The following GRM4 variants were observed in gnomAD, a reference collection of about 807,000 sequenced individuals.
GRM4 encodes metabotropic glutamate receptor 4.
GRM4 carries 28 observed loss-of-function variants against 81.7 expected under a neutral mutation model. The ratio of observed to expected loss-of-function variants is 0.34; its 90% confidence interval spans 0.25 to 0.47. The LOEUF is 0.47. Ranked by LOEUF, GRM4 falls within the 20% of genes least tolerant of loss-of-function variation. GRM4 has a pLI of 1.00. For missense variants in GRM4, 948 were observed against 1,290.0 expected (o/e 0.73, Z 4.06); for synonymous variants, 488 against 528.8 (o/e 0.92, Z 1.06).
At chr6:34,099,185 G>A (rs868497383) in intron 2 of GRM4, among the ~76,000 whole-genome samples, 3 of 152,316 alleles carry the variant, frequency 2.0e-5, no homozygotes, top group Admixed American at 6.5e-5. Context: ...GGCTGTCTGC[G>A]CACAGAGGTC....
rs10635207 is a variant in GRM4 at position 34,136,563 on chromosome 6, G to GACACACACACACACACACACACAC, written c.-363-2728_-363-2705dup. 1.9e-4 allele frequency among the ~76,000 whole-genome samples: 27 copies of GACACACACACACACACACACACAC among 142,534 alleles called. 1 individual carries two copies. The highest frequency in any genetic ancestry group is 4.1e-4 in the Admixed American group (6 of 14,520). 93.5% of individuals were successfully genotyped at this position (142,534 alleles called of 152,430 possible). ...GCTGAGCAGTGCATGCGCGCGTGCG[G>GACACACACACACACACACACACAC]ACACACACACACACACACACACACA... On this transcript the variant is annotated intron_variant, in intron 1 of 10. Coordinates refer to ENST00000538487, the MANE Select transcript of GRM4 (RefSeq NM_000841.4). This position sits in a 1 kb window ranked among gnomAD's most constrained non-coding sequence, Gnocchi z 4.1.
intron 6 of GRM4, among the ~76,000 whole-genome samples, chr6:34,053,746 G>A (rs1365086132): frequency 1.3e-5 from 2 of 152,228 alleles, no homozygotes; most frequent in South Asian, 2.1e-4. Context: ...TGACGCTCAG[G>A]TTGCATCCAG....
chr6:34,068,952 A>G lies in GRM4; in HGVS notation c.737-6924T>C, dbSNP rs964935362. On this transcript the variant is annotated intron_variant, in intron 3 of 10. Coordinates refer to ENST00000538487, the MANE Select transcript of GRM4 (RefSeq NM_000841.4). This position sits in a 1 kb window ranked among gnomAD's most constrained non-coding sequence, Gnocchi z 4.2. The stretch of plus-strand genomic sequence containing the variant: ...TTAAAAAGAATTTTTTTTTAATTTA[A>G]AAAGAGAGGAAAATAATGAAAAGAC... Among the ~76,000 whole-genome samples, 1 of 152,160 alleles carries G rather than the reference A, an allele frequency of 6.6e-6. No individual in the cohort carries two copies. Among genetic ancestry groups the G allele is most frequent in the African/African-American group, 2.4e-5 (1 of 41,428 alleles).
At chr6:34,088,199 T>C (rs1768014035) in intron 3 of GRM4, among the ~76,000 whole-genome samples, 1 of 152,102 alleles carries the variant, frequency 6.6e-6, no homozygotes, top group Admixed American at 6.5e-5. Context: ...CTCGGCTCAC[T>C]GCAACCTCCA....
upstream of GRM4, among the ~76,000 whole-genome samples, chr6:34,150,632 C>T (rs1262929718): frequency 4.6e-5 from 7 of 152,080 alleles, no homozygotes; most frequent in Admixed American, 2.0e-4. Context: ...GCCTCAGTTT[C>T]CCCGCCTATA....
At chr6:34,028,092 A>G in intron 10 of GRM4, 28 bp downstream of exon 10, 1 of 1,594,726 alleles carries the variant, frequency 6.3e-7, no homozygotes, top group Non-Finnish European at 8.6e-7. Flanking sequence ...CTGGGGCCCG[A>G]GAGGGCAGAA....
At chr6:34,145,561 T>C (rs1237446968) in intron 1 of GRM4, among the ~76,000 whole-genome samples, 3 of 151,206 alleles carry the variant, frequency 2.0e-5, no homozygotes, top group Non-Finnish European at 4.4e-5. Context: ...GGAAAAAAAA[T>C]GAGAGCGAGC....
At position 34,064,043 on chromosome 6, in the gene GRM4, A is replaced by C. The variant is rs1335808465; in HGVS notation, c.737-2015T>G. Among the ~76,000 whole-genome samples the C allele has an allele frequency of 1.3e-5, 2 of 152,186 alleles. No homozygotes were observed. Among genetic ancestry groups the C allele is most frequent in the African/African-American group, 4.8e-5 (2 of 41,440 alleles). On this transcript the variant is annotated intron_variant, in intron 3 of 10. Transcript: ENST00000538487. The surrounding 1 kb of genome is among the most constrained non-coding windows in gnomAD (Gnocchi z 4.4). The stretch of plus-strand genomic sequence containing the variant: ...ATGGTCTTGCCTGGCACCTCAGGGC[A>C]TATCTTGCAAGCTTCGTTTTGCTGG...
intron 2 of GRM4, among the ~76,000 whole-genome samples, chr6:34,095,770 C>T (rs1768485491): frequency 6.6e-6 from 1 of 152,170 alleles, no homozygotes; most frequent in African/African-American, 2.4e-5. Flanking sequence ...GTCACAGGGA[C>T]ATCCTGGGAA....
intron 3 of GRM4, among the ~76,000 whole-genome samples, chr6:34,087,708 C>A (rs11968206): frequency 0.053 from 7,333 of 137,904 alleles, 276 homozygotes; most frequent in African/African-American, 0.09. Flanking sequence ...AACCCCCCCC[C>A]CACACACACA....
rs893104954 is a variant in GRM4 at position 34,091,941 on chromosome 6, C to T, written c.678G>A (p.Ser226=). The part of the protein sequence containing the change: ...LKWNYVSTVA[S]EGSYGESGVE... ...CACCGCTCTCACCATAGCTGCCCTC[C>T]GAGGCCACTGTGGACACATAGTTCC... The change falls in exon 3 of 11, where the codon TCG becomes TCA. Residue 226 remains serine (S), a synonymous_variant. Coordinates refer to ENST00000538487, the MANE Select transcript of GRM4 (RefSeq NM_000841.4). 5.6e-6 allele frequency: 9 copies of T among 1,614,032 alleles called. No homozygotes were observed. The highest frequency in any genetic ancestry group is 1.3e-5 in the African/African-American group (1 of 74,954).
chr6:34,103,558 G>A (rs1311930386), intron 2 of GRM4: 2 of 1,511,306 alleles, frequency 1.3e-6, no homozygotes, highest in Admixed American at 2.0e-5. Context: ...TAGGCGAAAT[G>A]TAGATCAATA....
Position 34,036,602 on chromosome 6 carries a change from A to G in GRM4, c.1508T>C (p.Ile503Thr), listed in dbSNP as rs1301629622. The change falls in exon 9 of 11, where the codon ATA becomes ACA. Residue 503 changes from isoleucine (I) to threonine (T), a missense_variant and splice_region_variant. Coordinates refer to ENST00000538487, the MANE Select transcript of GRM4 (RefSeq NM_000841.4). This position sits in a 1 kb window ranked among gnomAD's most constrained non-coding sequence, Gnocchi z 9.0. The part of the protein sequence containing the change: ...GSWTDHLHLR[I>T]ERMHWPGSGQ... ...GCTCCCCGGCCAGTGCATCCGCTCT[A>G]TCTGGCAATGACAGCACCGTAAAGC... is the stretch of plus-strand genomic sequence containing the variant. 1.3e-6 allele frequency: 2 copies of G among 1,544,678 alleles called. No homozygotes were observed. Among genetic ancestry groups the G allele is most frequent in the South Asian group, 2.3e-5 (2 of 86,334 alleles).
chr6:34,105,089 T>G (rs1769053637), intron 2 of GRM4, among the ~76,000 whole-genome samples: 1 of 152,172 alleles, frequency 6.6e-6, no homozygotes, highest in South Asian at 2.1e-4. Context: ...TAATGTGCAG[T>G]GCTGTATGTA....
chr6:34,059,682 T>C lies in GRM4; in HGVS notation c.873-554A>G, dbSNP rs2127460980. 6.3e-6 allele frequency: 1 copy of C among 159,436 alleles called. No homozygotes were observed. The highest frequency in any genetic ancestry group is 2.4e-5 in the African/African-American group (1 of 41,562). The allele number at this position is 159,436 out of a possible 1,614,324, so 9.9% of individuals were successfully genotyped here. ...AGAGAGCTGCTCCCCACACCCTGAGTGGGAGTGGGTGATGGAGGGAGATGG... is the reference window on the plus strand; with the variant it reads ...AGAGAGCTGCTCCCCACACCCTGAGCGGGAGTGGGTGATGGAGGGAGATGG... On this transcript the variant is annotated intron_variant, in intron 4 of 10. Coordinates refer to ENST00000538487, the MANE Select transcript of GRM4 (RefSeq NM_000841.4). The surrounding 1 kb of genome is among the most constrained non-coding windows in gnomAD (Gnocchi z 5.7).
At chr6:34,050,094 T>A (rs1411104685) in intron 6 of GRM4, among the ~76,000 whole-genome samples, 1 of 152,164 alleles carries the variant, frequency 6.6e-6, no homozygotes, top group Non-Finnish European at 1.5e-5. Flanking sequence ...TGACCCTATC[T>A]CCTGCCTGTT....
Position 34,101,989 on chromosome 6 carries a change from G to GGCCA in GRM4, c.520-9894_520-9891dup, listed in dbSNP as rs1014677294. 3 of 1,533,982 alleles carry GGCCA rather than the reference G, an allele frequency of 2.0e-6. No homozygotes were observed. The African/African-American group carries it at 4.1e-5, about 21-fold the overall frequency. On this transcript the variant is annotated intron_variant, in intron 2 of 10. Transcript: ENST00000538487. ...CCTCCACTGCCACCTGTGCCCTAGT[G>GGCCA]GCCAGGTCAGGGCCTCTCACCAGGA...
intron 6 of GRM4, 93 bp downstream of exon 6, chr6:34,056,451 G>GT (rs1292612672): frequency 5.8e-6 from 7 of 1,199,268 alleles, no homozygotes; most frequent in Non-Finnish European, 8.2e-6. Flanking sequence ...GCCGACGACA[G>GT]ACAAAGGGAG....
At position 34,040,313 on chromosome 6, in the gene GRM4, G is replaced by A; in HGVS notation, c.1371C>T (p.Gly457=). The change falls in exon 8 of 11, where the codon GGC becomes GGT. Residue 457 remains glycine, a splice_region_variant and synonymous_variant. Coordinates refer to ENST00000538487, the MANE Select transcript of GRM4 (RefSeq NM_000841.4). ...TGAAGGTCACAGGGTTCCCTGCGAT[G>A]CCTGTAAGGGTGGGCGGGTGTCTTT... ...LKYIRNVNFS[G]IAGNPVTFNE... is the part of the protein sequence containing the mutation. The A allele has an allele frequency of 6.2e-7, 1 of 1,613,832 alleles. No homozygotes were observed. Among genetic ancestry groups the A allele is most frequent in the Non-Finnish European group, 8.5e-7 (1 of 1,179,804 alleles).
Sources: gnomAD v4.1 joint callset for allele counts (sites outside exome capture counted in the v4.1 genomes callset) on GRCh38, gnomAD v4.1.1 for gene constraint, Gnocchi (gnomAD v3.1) non-coding constraint, MANE v1.5 for transcripts, NCBI Gene and HGNC (gene_info 2026-07-23, HGNC 2026-07-21) for gene names.